Variants in IL1RAPL1 observed in about 807,000 individuals in gnomAD.
IL1RAPL1 encodes the protein interleukin-1 receptor accessory protein-like 1.
In IL1RAPL1, 3 loss-of-function variants were observed where a neutral mutation model predicts 48.4. The ratio of observed to expected loss-of-function variants is 0.06; its 90% confidence interval spans 0.03 to 0.16. IL1RAPL1 has a LOEUF of 0.16. Ranked by LOEUF, IL1RAPL1 falls within the 10% of genes least tolerant of loss-of-function variation. The pLI, the probability that IL1RAPL1 is intolerant of heterozygous loss-of-function variation, is 1.00. For missense variants in IL1RAPL1, 349 were observed against 530.6 expected, an observed-to-expected ratio of 0.66 and a Z score of 3.36; for synonymous variants, 185 against 187.7, an observed-to-expected ratio of 0.99 and a Z score of 0.12.
At chrX:29,954,406 G>C in intron 9 of IL1RAPL1, 116 bp from the exon 10 acceptor site, 1 of 569,303 alleles carries the variant, frequency 1.8e-6, no homozygotes, top group Non-Finnish European at 2.9e-6. Flanking sequence ...TTCATTTTTC[G>C]GTCTTTCAGA....
At chrX:28,606,204 T>TA in intron 1 of IL1RAPL1, among the ~76,000 whole-genome samples, 1 of 112,399 alleles carries the variant, frequency 8.9e-6, no homozygotes, top group East Asian at 2.8e-4. Context: ...GTAAATTTGG[T>TA]AAAATAAATA....
chrX:29,860,250 A>G (rs891658352), intron 6 of IL1RAPL1, among the ~76,000 whole-genome samples: 2 of 111,925 alleles, frequency 1.8e-5, no homozygotes, highest in African/African-American at 6.5e-5. Context: ...ATTAGCTTAT[A>G]ATTTAGTGTG....
chrX:28,983,400 C>A (rs1484818690), intron 2 of IL1RAPL1, among the ~76,000 whole-genome samples: 1 of 112,058 alleles, frequency 8.9e-6, no homozygotes, highest in African/African-American at 3.2e-5. Flanking sequence ...TCCAAATGTT[C>A]ATCATTGCCT....
chrX:29,466,114 T>C (rs780259409), intron 5 of IL1RAPL1, among the ~76,000 whole-genome samples: 1 of 112,562 alleles, frequency 8.9e-6, no homozygotes, highest in Admixed American at 9.4e-5. Context: ...TAAGTTTTTT[T>C]AATTTAAAAT....
chrX:29,843,360 G>A (rs747406148), intron 6 of IL1RAPL1, among the ~76,000 whole-genome samples: 1 of 111,731 alleles, frequency 9.0e-6, no homozygotes, highest in African/African-American at 3.3e-5. Context: ...GAAATCTATT[G>A]GAAAATATAT....
chrX:29,284,132 G>C (rs915153214), intron 3 of IL1RAPL1, among the ~76,000 whole-genome samples: 4 of 112,140 alleles, frequency 3.6e-5, no homozygotes, highest in African/African-American at 1.3e-4. Context: ...CCATAACTCA[G>C]AGAAAGTCTC....
intron 6 of IL1RAPL1, among the ~76,000 whole-genome samples, chrX:29,709,239 C>T (rs1927276386): frequency 9.0e-6 from 1 of 111,346 alleles, no homozygotes. Flanking sequence ...GGTGTTTTTC[C>T]CCTATGTTTT....
chrX:29,381,834 ATATATATATATATAT>A (rs960954831), intron 3 of IL1RAPL1, among the ~76,000 whole-genome samples: 2 of 18,415 alleles, frequency 1.1e-4, no homozygotes, highest in African/African-American at 2.9e-4. Context: ...AAAAAAAAAA[ATATATATATATATAT>A]ATATATATAT....
intron 5 of IL1RAPL1, among the ~76,000 whole-genome samples, chrX:29,658,212 G>T (rs1925742571): frequency 9.0e-6 from 1 of 111,288 alleles, no homozygotes; most frequent in African/African-American, 3.3e-5. Flanking sequence ...CAGAATCAGG[G>T]TTTAGTGGGT....
intron 6 of IL1RAPL1, among the ~76,000 whole-genome samples, chrX:29,766,471 A>T (rs1314684944): frequency 3.4e-5 from 3 of 87,018 alleles, no homozygotes; most frequent in Non-Finnish European, 6.6e-5. Flanking sequence ...ATATATTTAT[A>T]TATCCAAATA....
At chrX:28,928,058 C>T (rs1923791901) in intron 2 of IL1RAPL1, among the ~76,000 whole-genome samples, 1 of 110,990 alleles carries the variant, frequency 9.0e-6, no homozygotes, top group African/African-American at 3.3e-5. Context: ...TTAACATAAA[C>T]AGACCTTTTG....
intron 5 of IL1RAPL1, among the ~76,000 whole-genome samples, chrX:29,540,137 A>G (rs979205638): frequency 9.0e-6 from 1 of 111,592 alleles, no homozygotes; most frequent in Non-Finnish European, 1.9e-5. Flanking sequence ...CACCAATAAT[A>G]TTCAAGTTGA....
At chrX:29,575,606 C>T (rs1922750273) in intron 5 of IL1RAPL1, among the ~76,000 whole-genome samples, 1 of 112,001 alleles carries the variant, frequency 8.9e-6, no homozygotes. Context: ...TCCTATTCCA[C>T]TGACTAAAAT....
intron 3 of IL1RAPL1, among the ~76,000 whole-genome samples, chrX:29,314,626 C>T (rs1003276447): frequency 2.7e-5 from 3 of 112,214 alleles, no homozygotes; most frequent in East Asian, 5.6e-4. Flanking sequence ...TTAAGTTGAG[C>T]GACAACCTCT....
chrX:28,832,229 A>C (rs1181754603), intron 2 of IL1RAPL1, among the ~76,000 whole-genome samples: 1 of 110,755 alleles, frequency 9.0e-6, no homozygotes, highest in African/African-American at 3.3e-5. Flanking sequence ...TGTATCTATT[A>C]ACAAACCTCT....
intron 5 of IL1RAPL1, among the ~76,000 whole-genome samples, chrX:29,421,809 G>A (rs1006465900): frequency 1.2e-4 from 13 of 111,756 alleles, no homozygotes; most frequent in African/African-American, 4.2e-4. Flanking sequence ...GTCTGAATTC[G>A]AGTGGTGTGA....
At chrX:29,657,284 C>G (rs1395969010) in intron 5 of IL1RAPL1, among the ~76,000 whole-genome samples, 1 of 111,695 alleles carries the variant, frequency 9.0e-6, no homozygotes, top group African/African-American at 3.3e-5. Flanking sequence ...ATAATTCTTG[C>G]GTTTGTCTTT....
chrX:29,068,703 G>A (rs1011288100), intron 2 of IL1RAPL1, among the ~76,000 whole-genome samples: 7 of 112,311 alleles, frequency 6.2e-5, no homozygotes, highest in Non-Finnish European at 1.1e-4. Context: ...CAGTGAATGG[G>A]ATGCGGAAGG....
At position 29,339,075 on chromosome X, in the gene IL1RAPL1, T is replaced by TACACACACACACAC. The variant is rs758487838; in HGVS notation, c.362+55883_362+55896dup. Among the ~76,000 whole-genome samples, 227 of 92,320 alleles carry TACACACACACACAC rather than the reference T, an allele frequency of 2.5e-3. 1 individual carries two copies. The highest frequency in any genetic ancestry group is 6.2e-3 in the African/African-American group (154 of 24,721). The allele number at this position is 92,320 out of a possible 115,157, so 80.2% of individuals were successfully genotyped here. A position where few individuals can be genotyped will look rare whatever the true frequency, so the allele number is the denominator to read the frequency against. The stretch of plus-strand genomic sequence containing the variant: ...GTTCTCCAAGCTTATGCTGGGTAAA[T>TACACACACACACAC]ACACACACACACACACACACACACA... On this transcript the variant is annotated intron_variant, in intron 3 of 10. Transcript: ENST00000378993.
Sources: allele counts gnomAD v4.1 joint callset (sites outside exome capture counted in the v4.1 genomes callset), GRCh38; gene constraint gnomAD v4.1.1; transcripts MANE v1.5; gene names NCBI Gene and HGNC (gene_info 2026-07-23, HGNC 2026-07-21).